The following C3orf20 variants were observed in gnomAD, a reference collection of about 807,000 sequenced individuals.
C3orf20 encodes the protein uncharacterized protein C3orf20.
C3orf20 carries 76 observed loss-of-function variants against 88.3 expected under a neutral mutation model. The ratio of observed to expected loss-of-function variants is 0.86; its 90% CI spans 0.72 to 1.04. C3orf20 has a LOEUF of 1.04. C3orf20 is among the 50% of genes least tolerant of loss of function. The probability of loss-of-function intolerance (pLI) is 0.00; values close to 1 mark genes in which losing one functional copy is unlikely to be tolerated. For missense variants in C3orf20, 1,056 were observed against 1,123.3 expected, an observed-to-expected ratio of 0.94 and a Z score of 0.86; for synonymous variants, 436 against 437.4, an observed-to-expected ratio of 1.00 and a Z score of 0.04.
At chr3:14,706,623 G>A (rs2033514011) in intron 7 of C3orf20, among the ~76,000 whole-genome samples, 1 of 143,122 alleles carries the variant, frequency 7.0e-6, no homozygotes, top group African/African-American at 2.6e-5. Flanking sequence ...CCCCAGCAAT[G>A]ATCACATCCT....
At chr3:14,735,624 C>G (rs1355442547) in intron 12 of C3orf20, among the ~76,000 whole-genome samples, 2 of 150,814 alleles carry the variant, frequency 1.3e-5, no homozygotes, top group Non-Finnish European at 2.9e-5. Flanking sequence ...GGCGAAGTCT[C>G]TCTCTGTCAC....
chr3:14,712,114 C>T (rs9815799), intron 7 of C3orf20, among the ~76,000 whole-genome samples: 184 of 152,012 alleles, frequency 1.2e-3, no homozygotes, highest in African/African-American at 4.3e-3. Context: ...GGGGTGGGCC[C>T]TACTGCAATG....
At chr3:14,686,705 C>T (rs1231354938) in intron 4 of C3orf20, among the ~76,000 whole-genome samples, 1 of 152,124 alleles carries the variant, frequency 6.6e-6, no homozygotes, top group Non-Finnish European at 1.5e-5. Flanking sequence ...TGTTTTATGT[C>T]TTAAGCTTGG....
At chr3:14,750,527 C>G (rs1395737210) in intron 12 of C3orf20, among the ~76,000 whole-genome samples, 1 of 149,888 alleles carries the variant, frequency 6.7e-6, no homozygotes, top group Non-Finnish European at 1.5e-5. Context: ...TGCATTCCAG[C>G]CCAGGTAACA....
intron 7 of C3orf20, among the ~76,000 whole-genome samples, chr3:14,704,972 G>A (rs1010478912): frequency 5.3e-5 from 8 of 152,240 alleles, no homozygotes; most frequent in African/African-American, 1.7e-4. Flanking sequence ...GGAGAGGAGA[G>A]AATTAGGAGG....
chr3:14,698,752 G>C (rs2124925550), intron 5 of C3orf20, among the ~76,000 whole-genome samples: 1 of 152,288 alleles, frequency 6.6e-6, no homozygotes, highest in South Asian at 2.1e-4. Context: ...TCTTGCCCAA[G>C]ACCTGCTGTA....
chr3:14,740,245 A>G (rs2034862604), intron 12 of C3orf20, among the ~76,000 whole-genome samples: 2 of 152,208 alleles, frequency 1.3e-5, no homozygotes, highest in Admixed American at 1.3e-4. Flanking sequence ...TAGAGTTACT[A>G]TAGTAGTTGG....
chr3:14,690,171 GA>G lies in C3orf20; in HGVS notation c.745+56del. 7 of 1,599,720 alleles carry G rather than the reference GA, an allele frequency of 4.4e-6. No homozygotes were observed. In the South Asian group the frequency reaches 7.7e-5, roughly 18 times the overall value. On this transcript the variant is annotated intron_variant, in intron 5 of 16. Coordinates refer to ENST00000253697, the MANE Select transcript of C3orf20 (RefSeq NM_032137.5). ...CATTGGTGGTGGCGGTGGGGTGGGG[GA>G]TAGGTTTCCGTCTACCCTGTGTAGG...
chr3:14,704,671 A>G, intron 7 of C3orf20, 53 bp downstream of exon 7: 2 of 1,589,800 alleles, frequency 1.3e-6, no homozygotes, highest in Admixed American at 1.7e-5. Flanking sequence ...ACCCCAGAGA[A>G]GTCCAGGACT....
At chr3:14,716,746 T>C (rs1271844157) in intron 9 of C3orf20, among the ~76,000 whole-genome samples, 9 of 152,178 alleles carry the variant, frequency 5.9e-5, no homozygotes, top group Admixed American at 2.6e-4. Flanking sequence ...AGTCATTTGG[T>C]AATTAATGTC....
rs565573631 is a variant in C3orf20 at position 14,768,126 on chromosome 3, C to T, written c.2496-3941C>T. Among the ~76,000 whole-genome samples the T allele has an allele frequency of 1.3e-5, 2 of 152,314 alleles. No individual in the cohort carries two copies. Among genetic ancestry groups the T allele is most frequent in the East Asian group, 3.9e-4 (2 of 5,182 alleles). Reference sequence around the variant, plus strand: ...TAGCACCCCTGCCCCTTGCCCACCTCAGAAGAGGCAGGAAGAGACTAGGTG... The same window carrying T: ...TAGCACCCCTGCCCCTTGCCCACCTTAGAAGAGGCAGGAAGAGACTAGGTG... On this transcript the variant is annotated intron_variant, in intron 15 of 16. Transcript: ENST00000253697. This position sits in a 1 kb window ranked among gnomAD's most constrained non-coding sequence, Gnocchi z 4.1.
intron 5 of C3orf20, among the ~76,000 whole-genome samples, chr3:14,702,286 A>T (rs2033300862): frequency 6.6e-6 from 1 of 152,142 alleles, no homozygotes; most frequent in South Asian, 2.1e-4. Context: ...AGCACGGGAA[A>T]GACCGGCCCC....
intron 3 of C3orf20, 81 bp from the exon 4 acceptor site, chr3:14,684,161 G>A (rs12488352): frequency 0.88 from 1,378,970 of 1,561,660 alleles, 613,048 homozygotes; most frequent in Middle Eastern, 0.92. Flanking sequence ...CTTCTTTCCT[G>A]GGCCATTTAC....
At chr3:14,745,137 A>T (rs911693735) in intron 12 of C3orf20, among the ~76,000 whole-genome samples, 2 of 152,200 alleles carry the variant, frequency 1.3e-5, no homozygotes, top group Admixed American at 6.5e-5. Flanking sequence ...GGAGCAGTTG[A>T]TGAAGCTAGG....
chr3:14,761,727 T>TTG, intron 15 of C3orf20, 112 bp downstream of exon 15: 1 of 508,982 alleles, frequency 2.0e-6, no homozygotes, highest in Non-Finnish European at 3.1e-6. Context: ...GCTGAAGGGA[T>TTG]GGAGTGGGGA....
chr3:14,681,543 G>C (rs2032091401), intron 1 of C3orf20, among the ~76,000 whole-genome samples: 1 of 152,206 alleles, frequency 6.6e-6, no homozygotes, highest in Admixed American at 6.5e-5. Flanking sequence ...CAAGATGCTG[G>C]AGATGGCCAT....
At chr3:14,746,689 C>G (rs1479326242) in intron 12 of C3orf20, among the ~76,000 whole-genome samples, 1 of 152,078 alleles carries the variant, frequency 6.6e-6, no homozygotes, top group East Asian at 1.9e-4. Context: ...ACCCTAGACA[C>G]AATTGAGCAA....
At chr3:14,688,289 G>A (rs1223486214) in intron 4 of C3orf20, among the ~76,000 whole-genome samples, 1 of 152,078 alleles carries the variant, frequency 6.6e-6, no homozygotes, top group African/African-American at 2.4e-5. Flanking sequence ...CAGCACTTTG[G>A]GAGGCTGAGG....
At position 14,768,426 on chromosome 3, in the gene C3orf20, T is replaced by C. The variant is rs1198342661; in HGVS notation, c.2496-3641T>C. Among the ~76,000 whole-genome samples, 1 of 151,952 alleles carries C rather than the reference T, an allele frequency of 6.6e-6. No individual in the cohort carries two copies. Among genetic ancestry groups the C allele is most frequent in the African/African-American group, 2.4e-5 (1 of 41,306 alleles). ...ACCCCACTCAGCCCAAGGAAGCCCC[T>C]TGGACAGGCAGGGGAAGGGCATGCA... On this transcript the variant is annotated intron_variant, in intron 15 of 16. Coordinates refer to ENST00000253697, the MANE Select transcript of C3orf20 (RefSeq NM_032137.5). This position sits in a 1 kb window ranked among gnomAD's most constrained non-coding sequence, Gnocchi z 4.1.
Sources: gnomAD v4.1 joint callset for allele counts (sites outside exome capture counted in the v4.1 genomes callset) on GRCh38, gnomAD v4.1.1 for gene constraint, Gnocchi (gnomAD v3.1) non-coding constraint, MANE v1.5 for transcripts, NCBI Gene and HGNC (gene_info 2026-07-23, HGNC 2026-07-21) for gene names.